Variants in MED13 observed in about 807,000 individuals in gnomAD.
MED13 encodes the protein mediator of RNA polymerase II transcription subunit 13.
MED13 carries 23 observed loss-of-function variants against 225.2 expected under a neutral mutation model. The ratio of observed to expected loss-of-function variants is 0.10; its 90% CI spans 0.07 to 0.14. The LOEUF is 0.14. MED13 is among the 10% of genes least tolerant of loss of function. The probability of loss-of-function intolerance (pLI) is 1.00; values close to 1 mark genes in which losing one functional copy is unlikely to be tolerated. For synonymous variants in MED13, 942 were observed against 889.2 expected (o/e 1.06, Z -1.06); for missense variants, 2,197 against 2,594.5 (o/e 0.85, Z 3.33).
At chr17:61,975,030 T>C (rs1223397125) in intron 16 of MED13, among the ~76,000 whole-genome samples, 2 of 151,872 alleles carry the variant, frequency 1.3e-5, no homozygotes, top group African/African-American at 2.4e-5. Context: ...AAGCTGAGTG[T>C]GATAGTAGGC....
intron 16 of MED13, among the ~76,000 whole-genome samples, chr17:61,977,007 C>T (rs985953247): frequency 6.6e-6 from 1 of 152,286 alleles, no homozygotes; most frequent in Middle Eastern, 3.4e-3. Flanking sequence ...TAAATTCATT[C>T]AAACATAACC....
chr17:62,065,097 T>A, intron 1 of MED13, 43 bp downstream of exon 1: 1 of 1,479,194 alleles, frequency 6.8e-7, no homozygotes, highest in East Asian at 2.8e-5. Flanking sequence ...AGGGCGCACC[T>A]CGCGGCCCCC....
intron 9 of MED13, among the ~76,000 whole-genome samples, chr17:62,008,317 CAAA>C (rs766909961): frequency 9.0e-4 from 30 of 33,196 alleles, no homozygotes; most frequent in South Asian, 7.2e-3. Flanking sequence ...GGCTCTGTCT[CAAA>C]AAAAAAAAAA....
intron 8 of MED13, among the ~76,000 whole-genome samples, chr17:62,027,381 T>C (rs1567987207): frequency 2.0e-5 from 3 of 152,224 alleles, no homozygotes; most frequent in African/African-American, 4.8e-5. Flanking sequence ...TGGCTAGTCA[T>C]ATGCAGATGA....
At chr17:61,997,101 T>C (rs1366839459) in intron 9 of MED13, among the ~76,000 whole-genome samples, 3 of 152,200 alleles carry the variant, frequency 2.0e-5, no homozygotes, top group African/African-American at 7.2e-5. Flanking sequence ...AATGAAGGTA[T>C]TTGCAGATCG....
intron 28 of MED13, 96 bp from the exon 29 acceptor site, chr17:61,947,113 G>A: frequency 1.4e-5 from 11 of 794,964 alleles, no homozygotes; most frequent in Non-Finnish European, 2.3e-5. Flanking sequence ...ATAAAATGAT[G>A]AAATACATTT....
intron 9 of MED13, among the ~76,000 whole-genome samples, chr17:62,007,832 A>G (rs923599006): frequency 3.9e-5 from 6 of 152,020 alleles, no homozygotes; most frequent in African/African-American, 1.4e-4. Context: ...TGGGCGAGAG[A>G]ACGAGACTAC....
intron 9 of MED13, among the ~76,000 whole-genome samples, chr17:62,002,674 C>G (rs2080406970): frequency 6.6e-6 from 1 of 152,048 alleles, no homozygotes; most frequent in Admixed American, 6.6e-5. Flanking sequence ...AATAAATTAT[C>G]CAATTATTCC....
intron 26 of MED13, among the ~76,000 whole-genome samples, 182 bp from the exon 27 acceptor site, chr17:61,953,295 A>G (rs1270362648): frequency 6.6e-6 from 1 of 152,330 alleles, no homozygotes; most frequent in East Asian, 1.9e-4. Context: ...TGCATAAACA[A>G]GCATGTGGTA....
At chr17:62,015,940 A>T (rs868029896) in intron 8 of MED13, among the ~76,000 whole-genome samples, 3 of 9,638 alleles carry the variant, frequency 3.1e-4, no homozygotes, top group East Asian at 8.2e-3. Context: ...ATATATATAT[A>T]TATATATATA....
At chr17:61,963,761 C>T (rs1179862769) in intron 20 of MED13, among the ~76,000 whole-genome samples, 1 of 152,152 alleles carries the variant, frequency 6.6e-6, no homozygotes, top group Non-Finnish European at 1.5e-5. Flanking sequence ...TTTTTACCCA[C>T]ATATGAGTAT....
chr17:61,975,322 A>AT (rs2080144953), intron 16 of MED13, among the ~76,000 whole-genome samples: 1 of 152,180 alleles, frequency 6.6e-6, no homozygotes, highest in African/African-American at 2.4e-5. Context: ...TCCAAAGAAG[A>AT]TATACAAATG....
At position 61,945,958 on chromosome 17, in the gene MED13, T is replaced by C. The variant is rs928758995; in HGVS notation, c.*510A>G. 5 of 152,650 alleles carry C rather than the reference T, an allele frequency of 3.3e-5. No homozygotes were observed. Among genetic ancestry groups the C allele is most frequent in the African/African-American group, 1.2e-4 (5 of 41,432 alleles). 9.5% of individuals were successfully genotyped at this position (152,650 alleles called of 1,614,324 possible). A position where few individuals can be genotyped will look rare whatever the true frequency, so the allele number is the denominator to read the frequency against. On this transcript the variant is annotated 3_prime_UTR_variant, in exon 30 of 30. Coordinates refer to ENST00000397786, the MANE Select transcript of MED13 (RefSeq NM_005121.3). Reference sequence around the variant, plus strand: ...AAGCAAGAAGGCAGTATAAACCTTCTAGGAAAATTTTTATAAAAGAGGTTA... The same window carrying C: ...AAGCAAGAAGGCAGTATAAACCTTCCAGGAAAATTTTTATAAAAGAGGTTA...
At chr17:61,973,605 GCA>G (rs1004485048) in intron 16 of MED13, among the ~76,000 whole-genome samples, 1 of 152,104 alleles carries the variant, frequency 6.6e-6, no homozygotes. Context: ...ACCTGTTTGA[GCA>G]CAGTTATATT....
Position 61,982,378 on chromosome 17 carries a change from C to T in MED13, c.3625G>A (p.Asp1209Asn). The T allele has an allele frequency of 1.9e-6, 3 of 1,614,208 alleles. No homozygotes were observed. Among genetic ancestry groups the T allele is most frequent in the Non-Finnish European group, 2.5e-6 (3 of 1,180,048 alleles). The change falls in exon 16 of 30, where the codon GAT (aspartate) becomes AAT (asparagine). Residue 1209 changes from aspartate to asparagine, a missense_variant. Transcript: ENST00000397786. The stretch of plus-strand genomic sequence containing the variant: ...ATTACACCACTTTTAGGAAAAGGAT[C>T]TTGGTCTGCTGCTCCAAAGGGTGAA... ...LFSPFGAADQ[D>N]PFPKSGVISN...
intron 8 of MED13, among the ~76,000 whole-genome samples, chr17:62,022,675 A>G (rs76831313): frequency 0.013 from 1,986 of 152,232 alleles, 28 homozygotes; most frequent in East Asian, 0.064. Context: ...TCTGAGGCAC[A>G]TTAAGTGAAA....
chr17:61,977,478 GTC>G (rs2080167152), intron 16 of MED13, among the ~76,000 whole-genome samples: 1 of 152,174 alleles, frequency 6.6e-6, no homozygotes, highest in South Asian at 2.1e-4. Flanking sequence ...TTGAGACGGA[GTC>G]TCTCTCTGTC....
chr17:61,950,088 G>A (rs2079884120), intron 28 of MED13, among the ~76,000 whole-genome samples: 1 of 152,200 alleles, frequency 6.6e-6, no homozygotes, highest in Admixed American at 6.5e-5. Flanking sequence ...CCAGGTTTCA[G>A]TCTTGAGTCT....
chr17:61,987,274 A>G, intron 11 of MED13, 146 bp from the exon 12 acceptor site: 1 of 392,276 alleles, frequency 2.5e-6, no homozygotes. Flanking sequence ...GTCTCTACTA[A>G]AACTACAAAA....
Sources: gnomAD v4.1 joint callset for allele counts (sites outside exome capture counted in the v4.1 genomes callset) on GRCh38, gnomAD v4.1.1 for gene constraint, MANE v1.5 for transcripts, NCBI Gene and HGNC (gene_info 2026-07-23, HGNC 2026-07-21) for gene names.